Variants in FANCI observed in about 807,000 individuals in gnomAD.
FANCI encodes Fanconi anemia group I protein.
A neutral mutation model predicts 176.1 loss-of-function variants in FANCI; 156 were observed. That is an observed-to-expected ratio of 0.89 (90% confidence interval 0.78 to 1.01). FANCI has a LOEUF of 1.01. FANCI is among the 50% of genes least tolerant of loss of function. The pLI, the probability that FANCI is intolerant of heterozygous loss-of-function variation, is 0.00. For synonymous variants in FANCI, 613 were observed against 541.7 expected, an observed-to-expected ratio of 1.13 and a Z score of -1.83; for missense variants, 1,678 against 1,534.1, an observed-to-expected ratio of 1.09 and a Z score of -1.57.
At chr15:89,294,774 TAG>T in intron 23 of FANCI, 139 bp from the exon 24 acceptor site, 1 of 772,722 alleles carries the variant, frequency 1.3e-6, no homozygotes, top group Non-Finnish European at 2.0e-6. Flanking sequence ...TTGGGCTGCC[TAG>T]AGAGTCTGCC....
intron 34 of FANCI, among the ~76,000 whole-genome samples, chr15:89,309,163 T>C (rs2054853024): frequency 6.6e-6 from 1 of 152,204 alleles, no homozygotes; most frequent in African/African-American, 2.4e-5. Context: ...CCTCTCCTTT[T>C]ATCTCACCCA....
intron 24 of FANCI, among the ~76,000 whole-genome samples, chr15:89,295,579 T>A (rs557686214): frequency 6.6e-6 from 1 of 151,944 alleles, no homozygotes; most frequent in African/African-American, 2.4e-5. Context: ...GGCAGGAGAA[T>A]TGCTCGAACC....
At chr15:89,244,498 C>G (rs1356689693) in intron 1 of FANCI, among the ~76,000 whole-genome samples, 1 of 152,220 alleles carries the variant, frequency 6.6e-6, no homozygotes, top group African/African-American at 2.4e-5. Context: ...CCCAGCGTCT[C>G]TTGGCAAGGA....
chr15:89,306,864 T>A (rs2054742840), intron 32 of FANCI, among the ~76,000 whole-genome samples: 1 of 152,216 alleles, frequency 6.6e-6, no homozygotes, highest in African/African-American at 2.4e-5. Context: ...AATTATACCA[T>A]TTCTAACCAG....
At chr15:89,276,659 A>G in intron 12 of FANCI, 52 bp from the exon 13 acceptor site, 2 of 1,598,320 alleles carry the variant, frequency 1.3e-6, no homozygotes, top group East Asian at 4.5e-5. Flanking sequence ...GTATAAAGGT[A>G]AGAATATCTC....
intron 12 of FANCI, among the ~76,000 whole-genome samples, chr15:89,275,482 C>A (rs995583060): frequency 6.6e-6 from 1 of 152,072 alleles, no homozygotes; most frequent in Non-Finnish European, 1.5e-5. Flanking sequence ...ATAATTTAAG[C>A]ATAATTTATG....
At chr15:89,307,192 A>C (rs1490516852) in intron 32 of FANCI, among the ~76,000 whole-genome samples, 1 of 152,232 alleles carries the variant, frequency 6.6e-6, no homozygotes, top group Non-Finnish European at 1.5e-5. Context: ...GGCATCTTTA[A>C]AAGGAAAAAC....
At chr15:89,298,053 G>A (rs962840580) in intron 24 of FANCI, among the ~76,000 whole-genome samples, 4 of 152,056 alleles carry the variant, frequency 2.6e-5, no homozygotes, top group African/African-American at 9.6e-5. Flanking sequence ...AATGTAATCA[G>A]CCCTCTCTCC....
chr15:89,260,591 C>T (rs1243031730), intron 3 of FANCI, 122 bp from the exon 4 acceptor site: 23 of 1,284,924 alleles, frequency 1.8e-5, no homozygotes, highest in East Asian at 2.5e-5. Context: ...TTCTAAGCAC[C>T]GTAGTAATCA....
chr15:89,286,015 G>A (rs549620024), intron 18 of FANCI, among the ~76,000 whole-genome samples: 10 of 150,614 alleles, frequency 6.6e-5, no homozygotes, highest in South Asian at 2.1e-4. Flanking sequence ...ACAGAGTCTC[G>A]CTCTGTCACC....
chr15:89,291,286 T>C (rs2054058325), intron 19 of FANCI, among the ~76,000 whole-genome samples: 1 of 152,174 alleles, frequency 6.6e-6, no homozygotes, highest in Non-Finnish European at 1.5e-5. Flanking sequence ...TAATAAGTAG[T>C]GGTACTGGGA....
rs188682949 is a variant in FANCI at position 89,308,940 on chromosome 15, C to T, written c.3651+1268C>T. On this transcript the variant is annotated intron_variant, in intron 34 of 37. Transcript: ENST00000310775. Reference sequence around the variant, plus strand: ...CAGCCTAGCAACAAGAGCGAAACTCCGTCTCAAAAAAAAAAAAAATAAAGA... The same window carrying T: ...CAGCCTAGCAACAAGAGCGAAACTCTGTCTCAAAAAAAAAAAAAATAAAGA... 6.0e-5 allele frequency among the ~76,000 whole-genome samples: 8 copies of T among 132,868 alleles called. No homozygotes were observed. The East Asian group carries it at 6.3e-4, about 10-fold the overall frequency. 87.2% of individuals were successfully genotyped at this position (132,868 alleles called of 152,430 possible).
intron 12 of FANCI, among the ~76,000 whole-genome samples, chr15:89,274,844 A>T (rs892985282): frequency 2.6e-5 from 4 of 151,792 alleles, no homozygotes; most frequent in African/African-American, 9.7e-5. Context: ...AGCTCAAGCA[A>T]TCCACCTGCC....
intron 10 of FANCI, 160 bp downstream of exon 10, chr15:89,268,685 A>C: frequency 1.2e-6 from 1 of 808,270 alleles, no homozygotes; most frequent in Non-Finnish European, 2.0e-6. Context: ...TGGAAAATAC[A>C]TGATGTTACC....
intron 28 of FANCI, among the ~76,000 whole-genome samples, chr15:89,304,127 C>A (rs1003454775): frequency 3.9e-5 from 6 of 152,128 alleles, no homozygotes; most frequent in Non-Finnish European, 8.8e-5. Context: ...TTGGTATAAC[C>A]ACTATGGAAA....
At chr15:89,247,342 T>G (rs1436541428) in intron 1 of FANCI, among the ~76,000 whole-genome samples, 1 of 152,188 alleles carries the variant, frequency 6.6e-6, no homozygotes, top group African/African-American at 2.4e-5. Context: ...GGTGAGTAGA[T>G]GGTAACAAGT....
intron 18 of FANCI, among the ~76,000 whole-genome samples, chr15:89,285,570 T>TCACAC (rs1304128610): frequency 6.6e-6 from 1 of 152,200 alleles, no homozygotes; most frequent in Non-Finnish European, 1.5e-5. Flanking sequence ...TGAGCTATGA[T>TCACAC]CACACCACTG....
In FANCI at chr15:89,264,927, A is replaced by G. The variant is rs916297415; in HGVS notation, c.755+320A>G. On this transcript the variant is annotated intron_variant, in intron 9 of 37. Coordinates refer to ENST00000310775, the MANE Select transcript of FANCI (RefSeq NM_001113378.2). ...TCAGACAATGTCCCTGCTCTTGTAG[A>G]ACTTCAATTTTAGTGAGAAGAGGAA... is the stretch of plus-strand genomic sequence containing the variant. Among the ~76,000 whole-genome samples, 9 of 152,348 alleles carry G rather than the reference A, an allele frequency of 5.9e-5. No individual in the cohort carries two copies. In the South Asian group the frequency reaches 1.9e-3, roughly 32 times the overall value.
chr15:89,270,766 A>C (rs754603224), intron 10 of FANCI, among the ~76,000 whole-genome samples: 1 of 152,200 alleles, frequency 6.6e-6, no homozygotes, highest in African/African-American at 2.4e-5. Context: ...GGATCCTTCA[A>C]GTCAGCTTAT....
Sources: gnomAD v4.1 joint callset for allele counts (sites outside exome capture counted in the v4.1 genomes callset) on GRCh38, gnomAD v4.1.1 for gene constraint, MANE v1.5 for transcripts, NCBI Gene and HGNC (gene_info 2026-07-23, HGNC 2026-07-21) for gene names.